SUPT20H: variants seen among roughly 807,000 people sequenced by gnomAD.
SUPT20H encodes the protein SPT20 homolog, SAGA complex component.
A neutral mutation model predicts 122.8 loss-of-function variants in SUPT20H; 82 were observed. That is an observed-to-expected ratio of 0.67 (90% CI 0.56 to 0.80). The LOEUF (loss-of-function observed/expected upper bound fraction) is 0.80. SUPT20H is among the 30% of genes least tolerant of loss of function. The pLI, the probability that SUPT20H is intolerant of heterozygous loss-of-function variation, is 0.00. For missense variants in SUPT20H, 831 were observed against 921.6 expected, an observed-to-expected ratio of 0.90 and a Z score of 1.27; for synonymous variants, 291 against 313.0, an observed-to-expected ratio of 0.93 and a Z score of 0.74.
Position 37,028,217 on chromosome 13 carries a change from G to A in SUPT20H, c.1082C>T (p.Pro361Leu). The change falls in exon 14 of 26, where the codon CCA (proline) becomes CTA (leucine). Residue 361 changes from proline (P) to leucine (L), a missense_variant. By Grantham distance (98) the Pro-to-Leu change is moderately conservative (BLOSUM62 -3). Transcript: ENST00000350612. ...KLTILQSLGD[P>L]LYYGKIQPCK... ...TGGCTGTATTTTACCATAGTAAAGT[G>A]GATCTCCAAGCGACTGCAAGATGGT... 6.2e-7 allele frequency: 1 copy of A among 1,613,354 alleles called. No homozygotes were observed. Among genetic ancestry groups the A allele is most frequent in the South Asian group, 1.1e-5 (1 of 91,026 alleles).
intron 1 of SUPT20H, among the ~76,000 whole-genome samples, chr13:37,053,690 T>C (rs1349971073): frequency 7.1e-6 from 1 of 141,004 alleles, no homozygotes; most frequent in Non-Finnish European, 1.5e-5. Context: ...TAAACTAAAA[T>C]TAAAAAAAAA....
chr13:37,023,014 TTGAGG>T (rs1469873432), intron 19 of SUPT20H: 2 of 1,280,176 alleles, frequency 1.6e-6, no homozygotes, highest in Non-Finnish European at 2.0e-6. Flanking sequence ...CCAAAAGCTC[TTGAGG>T]TGTTTTCTTT....
intron 6 of SUPT20H, among the ~76,000 whole-genome samples, chr13:37,044,542 GAAAAGTGGTCACTTTTAGAAC>G: frequency 6.6e-6 from 1 of 152,202 alleles, no homozygotes; most frequent in Non-Finnish European, 1.5e-5. Flanking sequence ...TGCCTTATCT[GAAAAGTGGTCACTTTTAGAAC>G]AAAATTCTCT....
intron 11 of SUPT20H, 46 bp downstream of exon 11, chr13:37,031,689 AAGAC>A (rs2063365865): frequency 6.5e-7 from 1 of 1,548,878 alleles, no homozygotes; most frequent in Middle Eastern, 1.8e-4. Flanking sequence ...AATGCTAAAT[AAGAC>A]AGGCTTTTGG....
chr13:37,011,880 TATTA>T (rs904863579), intron 24 of SUPT20H, among the ~76,000 whole-genome samples: 6 of 152,170 alleles, frequency 3.9e-5, no homozygotes, highest in Non-Finnish European at 7.4e-5. Flanking sequence ...ACAAAAAAGT[TATTA>T]ATTAAGATAA....
At chr13:37,046,337 A>G (rs2066420737) in intron 5 of SUPT20H, among the ~76,000 whole-genome samples, 1 of 152,200 alleles carries the variant, frequency 6.6e-6, no homozygotes, top group African/African-American at 2.4e-5. Context: ...ACAGAATTAG[A>G]TAAATTTTTA....
chr13:37,040,969 T>G (rs2065357159), intron 7 of SUPT20H, among the ~76,000 whole-genome samples: 1 of 152,244 alleles, frequency 6.6e-6, no homozygotes, highest in Non-Finnish European at 1.5e-5. Flanking sequence ...ACAGTTTGAC[T>G]TTTGGCATTT....
intron 1 of SUPT20H, among the ~76,000 whole-genome samples, chr13:37,057,662 G>C (rs917915171): frequency 6.6e-6 from 1 of 151,990 alleles, no homozygotes; most frequent in African/African-American, 2.4e-5. Context: ...GAGCAACATG[G>C]GGAAAGTGTC....
intron 17 of SUPT20H, 69 bp downstream of exon 17, chr13:37,025,251 G>A (rs1305972309): frequency 2.2e-6 from 3 of 1,349,232 alleles, no homozygotes; most frequent in Non-Finnish European, 3.2e-6. Flanking sequence ...CTCCAAAAAT[G>A]ATTCTTAACA....
intron 22 of SUPT20H, among the ~76,000 whole-genome samples, chr13:37,018,852 T>A (rs1020699734): frequency 6.6e-6 from 1 of 152,114 alleles, no homozygotes; most frequent in African/African-American, 2.4e-5. Flanking sequence ...TTTTACCATA[T>A]TGCTCAGGCT....
chr13:37,058,344 T>C (rs1398441479), intron 1 of SUPT20H, among the ~76,000 whole-genome samples: 1 of 152,178 alleles, frequency 6.6e-6, no homozygotes, highest in East Asian at 1.9e-4. Context: ...TACGATCATT[T>C]ACAATGAGTA....
Position 37,026,189 on chromosome 13 carries a change from T to C in SUPT20H, c.1211+15A>G, listed in dbSNP as rs201838615. On this transcript the variant is annotated intron_variant, in intron 16 of 25. Transcript: ENST00000350612. ...TATCCATCCTGACCAAAATAAGAGA[T>C]GCAAATATTTTTACCTCTCAGCATC... The C allele has an allele frequency of 1.7e-4, 272 of 1,558,240 alleles. No homozygotes were observed. Among genetic ancestry groups the C allele is most frequent in the Non-Finnish European group, 2.3e-4 (261 of 1,159,848 alleles).
chr13:37,039,499 G>A (rs952827741), intron 9 of SUPT20H: 2 of 152,140 alleles, frequency 1.3e-5, no homozygotes, highest in Non-Finnish European at 2.9e-5. Flanking sequence ...GAATGATAAC[G>A]TGCTTATTAT....
chr13:37,047,642 G>A, intron 4 of SUPT20H, 41 bp from the exon 5 acceptor site: 1 of 1,335,458 alleles, frequency 7.5e-7, no homozygotes, highest in Non-Finnish European at 1.0e-6. Context: ...AATGTTAACA[G>A]AGTAATCATC....
intron 1 of SUPT20H, among the ~76,000 whole-genome samples, chr13:37,058,363 C>T (rs2069707771): frequency 6.6e-6 from 1 of 152,170 alleles, no homozygotes; most frequent in Non-Finnish European, 1.5e-5. Context: ...TAAGATATTA[C>T]TCCTACCCTT....
At position 37,028,314 on chromosome 13, in the gene SUPT20H, T is replaced by C. The variant is rs370257398; in HGVS notation, c.994-9A>G. 1.2e-6 allele frequency: 2 copies of C among 1,600,740 alleles called. No individual in the cohort carries two copies. The highest frequency in any genetic ancestry group is 1.4e-5 in the African/African-American group (1 of 74,042). The stretch of plus-strand genomic sequence containing the variant: ...TAATCATCTTTTACATCCTGAAAAA[T>C]GCATAGCACCTCAAATAAATACCTT... On this transcript the variant is annotated splice_polypyrimidine_tract_variant and intron_variant, in intron 13 of 25. Coordinates refer to ENST00000350612, the MANE Select transcript of SUPT20H (RefSeq NM_001014286.3).
At chr13:37,028,586 AT>A (rs1451179264) in intron 13 of SUPT20H, among the ~76,000 whole-genome samples, 1 of 152,204 alleles carries the variant, frequency 6.6e-6, no homozygotes, top group Non-Finnish European at 1.5e-5. Context: ...CATTAAATAC[AT>A]TATTAGACAT....
intron 23 of SUPT20H, among the ~76,000 whole-genome samples, chr13:37,014,141 A>G (rs770493346): frequency 8.5e-5 from 13 of 152,148 alleles, no homozygotes; most frequent in South Asian, 2.1e-4. Flanking sequence ...GTTAATCAAA[A>G]GAAAGAAACA....
Position 37,040,411 on chromosome 13 carries a change from C to A in SUPT20H, c.561G>T (p.Trp187Cys). Residue 187 changes from tryptophan to cysteine, a missense_variant, in exon 9 of 26, where the codon TGG (tryptophan) becomes TGT (cysteine). By Grantham distance (215) the Trp-to-Cys change is radical. Coordinates refer to ENST00000350612, the MANE Select transcript of SUPT20H (RefSeq NM_001014286.3). ...VHSITSDNHK[W>C]TQEDKLLLES... ...AAAAAACAAAACAACTAACCTGGGTCCATTTGTGGTTATCACTTGTTATTG... is the reference window on the plus strand; with the variant it reads ...AAAAAACAAAACAACTAACCTGGGTACATTTGTGGTTATCACTTGTTATTG... 6.4e-7 allele frequency: 1 copy of A among 1,568,582 alleles called. No individual in the cohort carries two copies. The highest frequency in any genetic ancestry group is 8.6e-7 in the Non-Finnish European group (1 of 1,166,068).
Sources: allele counts gnomAD v4.1 joint callset (sites outside exome capture counted in the v4.1 genomes callset), GRCh38; gene constraint gnomAD v4.1.1; transcripts MANE v1.5; gene names NCBI Gene and HGNC (gene_info 2026-07-23, HGNC 2026-07-21).